The following AGBL1 variants were observed in gnomAD, a reference collection of about 807,000 sequenced individuals.
The protein encoded by AGBL1 is AGBL carboxypeptidase 1.
In AGBL1, 130 loss-of-function variants were observed where a neutral mutation model predicts 118.9. That is an observed-to-expected ratio of 1.09 (90% CI 0.95 to 1.26). The LOEUF is 1.26. Ranked by LOEUF, AGBL1 falls within the 50% of genes most tolerant of loss-of-function variation. The probability of loss-of-function intolerance (pLI) is 0.00; values close to 1 mark genes in which losing one functional copy is unlikely to be tolerated. For missense variants in AGBL1, 1,584 were observed against 1,298.1 expected (o/e 1.22, Z -3.38); for synonymous variants, 555 against 478.9 (o/e 1.16, Z -2.08).
intron 20 of AGBL1, among the ~76,000 whole-genome samples, chr15:86,547,811 A>G (rs2083605675): frequency 1.3e-5 from 2 of 152,128 alleles, no homozygotes; most frequent in Non-Finnish European, 2.9e-5. Flanking sequence ...TTTTCTACAT[A>G]GTTTATTACA....
chr15:86,180,011 A>G (rs894618773), intron 5 of AGBL1, among the ~76,000 whole-genome samples: 15 of 152,002 alleles, frequency 9.9e-5, no homozygotes, highest in African/African-American at 3.6e-4. Flanking sequence ...AGACCTGTAC[A>G]CTGCAAGCTA....
chr15:86,295,160 A>G, intron 16 of AGBL1, 95 bp from the exon 17 acceptor site: 1 of 1,420,384 alleles, frequency 7.0e-7, no homozygotes, highest in East Asian at 2.5e-5. Context: ...ATTAACAACA[A>G]TACTTCTAAA....
intron 1 of AGBL1, among the ~76,000 whole-genome samples, chr15:86,095,647 CTTTTTT>C (rs397854465): frequency 3.2e-4 from 5 of 15,482 alleles, no homozygotes; most frequent in African/African-American, 8.0e-4. Context: ...CCTTGGATAC[CTTTTTT>C]TTTTTTTTTT....
rs1375878742 is a variant in AGBL1, at chr15:86,915,087, G to C, written c.*7793G>C. On this transcript the variant is annotated 3_prime_UTR_variant, in exon 23 of 23. Transcript: ENST00000614907. ...CAGGTACTCAGATCTTCACTAAATA[G>C]ATGAATCTGCAATGTTGTTGAGTGT... The C allele has an allele frequency of 1.3e-5, 2 of 152,170 alleles. No homozygotes were observed. The highest frequency in any genetic ancestry group is 2.9e-5 in the Non-Finnish European group (2 of 68,030). The allele number at this position is 152,170 out of a possible 1,614,324, so 9.4% of individuals were successfully genotyped here.
chr15:86,920,549 T>C (rs1254307182), downstream of AGBL1, among the ~76,000 whole-genome samples: 1 of 152,186 alleles, frequency 6.6e-6, no homozygotes, highest in Non-Finnish European at 1.5e-5. Flanking sequence ...TTTCATTGGG[T>C]TTATTTTTAT....
chr15:86,915,902 G>A lies in AGBL1; in HGVS notation c.*8608G>A, dbSNP rs140040004. ...CACACGTGAGTCCAGCCAACTCAGA[G>A]CTTCAAGGAGGCGTCCAGGAGAAAC... On this transcript the variant is annotated 3_prime_UTR_variant, in exon 23 of 23. Coordinates refer to ENST00000614907, the MANE Select transcript of AGBL1 (RefSeq NM_001386094.1). The A allele has an allele frequency of 9.3e-4, 142 of 152,320 alleles. 1 individual carries two copies. The highest frequency in any genetic ancestry group is 3.2e-3 in the African/African-American group (132 of 41,564). The allele number at this position is 152,320 out of a possible 1,614,324, so 9.4% of individuals were successfully genotyped here.
intron 16 of AGBL1, among the ~76,000 whole-genome samples, chr15:86,283,141 G>T (rs140589649): frequency 6.6e-6 from 1 of 152,088 alleles, no homozygotes; most frequent in African/African-American, 2.4e-5. Flanking sequence ...TTAATCAGCC[G>T]TATCAAGTTA....
intron 22 of AGBL1, among the ~76,000 whole-genome samples, chr15:86,719,848 G>A (rs2086690556): frequency 6.6e-6 from 1 of 152,166 alleles, no homozygotes; most frequent in Non-Finnish European, 1.5e-5. Context: ...TAGCAAGGTG[G>A]GAGGATGAGG....
intron 18 of AGBL1, among the ~76,000 whole-genome samples, chr15:86,415,606 C>G (rs2081682238): frequency 1.3e-5 from 2 of 152,222 alleles, no homozygotes; most frequent in Non-Finnish European, 1.5e-5. Flanking sequence ...TTATTAAGCT[C>G]TTTTGATGGC....
chr15:86,254,469 A>G (rs1483097786), intron 7 of AGBL1, among the ~76,000 whole-genome samples: 1 of 152,236 alleles, frequency 6.6e-6, no homozygotes, highest in African/African-American at 2.4e-5. Context: ...TTGCCTATGT[A>G]TCATGCAAGT....
intron 17 of AGBL1, among the ~76,000 whole-genome samples, chr15:86,363,130 G>A (rs139915186): frequency 8.0e-4 from 121 of 152,150 alleles, no homozygotes; most frequent in African/African-American, 2.7e-3. Flanking sequence ...CTTTCTCAAA[G>A]GGGATCTCCT....
intron 24 of AGBL1, chr15:86,988,130 G>A: frequency 6.3e-7 from 1 of 1,598,754 alleles, no homozygotes; most frequent in African/African-American, 1.3e-5. Flanking sequence ...CTTGGGGCGG[G>A]GATTGCTGGA....
At chr15:86,775,084 C>T (rs2078236123) in intron 22 of AGBL1, among the ~76,000 whole-genome samples, 1 of 152,136 alleles carries the variant, frequency 6.6e-6, no homozygotes, top group African/African-American at 2.4e-5. Flanking sequence ...TCAAAACAGG[C>T]ATGATTCCTG....
At chr15:86,576,635 T>C (rs193241943) in intron 21 of AGBL1, among the ~76,000 whole-genome samples, 13 of 152,344 alleles carry the variant, frequency 8.5e-5, no homozygotes, top group Non-Finnish European at 1.5e-4. Flanking sequence ...GAGGCAGTGA[T>C]ATAGTTTGGC....
At chr15:86,475,967 C>G (rs2082553041) in intron 18 of AGBL1, among the ~76,000 whole-genome samples, 1 of 152,096 alleles carries the variant, frequency 6.6e-6, no homozygotes, top group African/African-American at 2.4e-5. Context: ...TCATATCCAG[C>G]CAAACTAAGC....
intron 18 of AGBL1, among the ~76,000 whole-genome samples, chr15:86,509,096 G>T (rs533918824): frequency 6.6e-6 from 1 of 152,152 alleles, no homozygotes; most frequent in South Asian, 2.1e-4. Flanking sequence ...TATACAGCAA[G>T]TGAGAGATCC....
chr15:86,642,927 T>C (rs1196943802), intron 21 of AGBL1, among the ~76,000 whole-genome samples: 1 of 152,208 alleles, frequency 6.6e-6, no homozygotes, highest in African/African-American at 2.4e-5. Context: ...ATAAATGTGT[T>C]TATGCACTAA....
intron 21 of AGBL1, among the ~76,000 whole-genome samples, chr15:86,624,106 G>T (rs1170472645): frequency 2.0e-5 from 3 of 152,182 alleles, no homozygotes; most frequent in Middle Eastern, 3.2e-3. Flanking sequence ...AGTCAAAGAA[G>T]CACACACATG....
chr15:86,790,744 C>T (rs1452342167), intron 22 of AGBL1, among the ~76,000 whole-genome samples: 2 of 151,872 alleles, frequency 1.3e-5, no homozygotes, highest in Non-Finnish European at 2.9e-5. Flanking sequence ...CTAAAAGTCC[C>T]TCCTGTCATA....
Sources: allele counts gnomAD v4.1 joint callset (sites outside exome capture counted in the v4.1 genomes callset), GRCh38; gene constraint gnomAD v4.1.1; transcripts MANE v1.5; gene names NCBI Gene and HGNC (gene_info 2026-07-23, HGNC 2026-07-21).